UTP20: variants seen among roughly 807,000 people sequenced by gnomAD.
The protein encoded by UTP20 is small subunit processome component 20 homolog.
A neutral mutation model predicts 329.5 loss-of-function variants in UTP20; 164 were observed. That is an observed-to-expected ratio of 0.50 (90% CI 0.44 to 0.57). The LOEUF (loss-of-function observed/expected upper bound fraction) is 0.57, where lower values mean the gene tolerates loss of function less well. Ranked by LOEUF, UTP20 falls within the 20% of genes least tolerant of loss-of-function variation. The probability of loss-of-function intolerance (pLI) is 0.00; values close to 1 mark genes in which losing one functional copy is unlikely to be tolerated. For missense variants in UTP20, 3,055 were observed against 3,284.2 expected (o/e 0.93, Z 1.71); for synonymous variants, 1,151 against 1,159.3 (o/e 0.99, Z 0.14).
intron 21 of UTP20, among the ~76,000 whole-genome samples, chr12:101,313,004 G>A (rs1490384632): frequency 6.6e-6 from 1 of 152,132 alleles, no homozygotes; most frequent in Non-Finnish European, 1.5e-5. Flanking sequence ...GGGGCTTGAA[G>A]GTATTTTCCA....
intron 24 of UTP20, 133 bp from the exon 25 acceptor site, chr12:101,321,371 C>T (rs1868368469): frequency 7.8e-7 from 1 of 1,275,320 alleles, no homozygotes; most frequent in Non-Finnish European, 1.1e-6. Context: ...GAGGATTTTC[C>T]TTTATGGATA....
Position 101,313,026 on chromosome 12 carries a change from G to A in UTP20, c.2552+750G>A, listed in dbSNP as rs139899549. On this transcript the variant is annotated intron_variant, in intron 21 of 61. Transcript: ENST00000261637. The stretch of plus-strand genomic sequence containing the variant: ...GAAGGTATTTTCCAGTGACCCAACA[G>A]CAACACTGCTTGGGGCCTCTTGATG... Among the ~76,000 whole-genome samples, 4 of 152,276 alleles carry A rather than the reference G, an allele frequency of 2.6e-5. No individual in the cohort carries two copies. The East Asian group carries it at 7.7e-4, about 29-fold the overall frequency.
intron 56 of UTP20, among the ~76,000 whole-genome samples, chr12:101,378,363 G>A (rs1870540796): frequency 6.6e-6 from 1 of 152,152 alleles, no homozygotes; most frequent in Non-Finnish European, 1.5e-5. Context: ...GCTACTTGGA[G>A]CCACCAATTC....
At chr12:101,342,389 A>C in intron 32 of UTP20, 57 bp from the exon 33 acceptor site, 2 of 1,400,124 alleles carry the variant, frequency 1.4e-6, no homozygotes, top group Non-Finnish European at 9.7e-7. Flanking sequence ...ATTAAAGTAT[A>C]AGTTGACCAG....
intron 1 of UTP20, 73 bp downstream of exon 1, chr12:101,280,400 C>T: frequency 2.0e-6 from 3 of 1,531,946 alleles, no homozygotes; most frequent in East Asian, 2.5e-5. Flanking sequence ...CTGAGCGAGA[C>T]TCCAGGGGCC....
chr12:101,354,750 C>T (rs925947155), intron 40 of UTP20, 82 bp from the exon 41 acceptor site: 22 of 1,440,438 alleles, frequency 1.5e-5, no homozygotes, highest in African/African-American at 1.4e-4. Flanking sequence ...GGAAGTTGGA[C>T]GTTGGTGGGA....
intron 50 of UTP20, 46 bp downstream of exon 50, chr12:101,370,609 C>G: frequency 2.5e-6 from 4 of 1,580,960 alleles, no homozygotes; most frequent in Non-Finnish European, 3.4e-6. Context: ...ATGAGTTTCA[C>G]AGCAGATATT....
At chr12:101,376,066 CTG>C (rs1328843291) in intron 56 of UTP20, among the ~76,000 whole-genome samples, 1 of 152,038 alleles carries the variant, frequency 6.6e-6, no homozygotes, top group African/African-American at 2.4e-5. Context: ...CAAGTGAAAA[CTG>C]TATATATTTA....
Position 101,342,534 on chromosome 12 carries a change from T to G in UTP20, c.4190T>G (p.Leu1397Arg). ...AGCTTCCTCAAGCCTATAGCAAAACTTTTCTCAGTTATTAAGAACAAATTG... is the reference window on the plus strand; with the variant it reads ...AGCTTCCTCAAGCCTATAGCAAAACGTTTCTCAGTTATTAAGAACAAATTG... ...PTSFLKPIAK[L>R]FSVIKNKLSR... Residue 1397 changes from leucine (L) to arginine (R), a missense_variant, in exon 33 of 62, where the codon CTT becomes CGT. Leu to Arg is a moderately radical substitution (Grantham distance 102). Around this residue, in one of 3 missense-constraint regions of UTP20, gnomAD observed 2,445 missense variants for 2,575.5 expected, o/e 0.95. Coordinates refer to ENST00000261637, the MANE Select transcript of UTP20 (RefSeq NM_014503.3). 1.2e-6 allele frequency: 2 copies of G among 1,613,892 alleles called. No individual in the cohort carries two copies. The highest frequency in any genetic ancestry group is 1.7e-6 in the Non-Finnish European group (2 of 1,179,906).
chr12:101,357,231 A>C (rs1349206934), intron 43 of UTP20, 149 bp downstream of exon 43: 1 of 679,068 alleles, frequency 1.5e-6, no homozygotes, highest in African/African-American at 1.9e-5. Flanking sequence ...TCCAATTAGT[A>C]TTAAGGAAAT....
In UTP20 at chr12:101,329,438, C is replaced by G; in HGVS notation, c.3406C>G (p.Gln1136Glu). The change falls in exon 27 of 62, where the codon CAA (glutamine) becomes GAA (glutamate). Residue 1136 changes from glutamine to glutamate, a missense_variant. This residue lies in a region of UTP20 where 2,445 missense variants were observed against 2,575.5 expected (regional missense o/e 0.95). Transcript: ENST00000261637. ...AGCAACCGTATCACACATCCTTGAC[C>G]AACGAGAAAAGGTTAGATTCACTAT... ...MTATVSHILD[Q>E]REKIQLRFIN... 6.2e-7 allele frequency: 1 copy of G among 1,611,844 alleles called. No homozygotes were observed. The highest frequency in any genetic ancestry group is 8.5e-7 in the Non-Finnish European group (1 of 1,178,138).
intron 48 of UTP20, among the ~76,000 whole-genome samples, chr12:101,368,639 T>A (rs1870178440): frequency 6.6e-6 from 1 of 152,138 alleles, no homozygotes; most frequent in African/African-American, 2.4e-5. Flanking sequence ...ATCATCATCA[T>A]CACCTTTGTC....
At chr12:101,341,441 T>G (rs1158283249) in intron 32 of UTP20, among the ~76,000 whole-genome samples, 1 of 152,196 alleles carries the variant, frequency 6.6e-6, no homozygotes, top group Non-Finnish European at 1.5e-5. Flanking sequence ...ACCTCAGTAG[T>G]GATACTAAAC....
intron 44 of UTP20, among the ~76,000 whole-genome samples, chr12:101,362,386 A>G (rs1244395338): frequency 6.6e-6 from 1 of 152,222 alleles, no homozygotes; most frequent in South Asian, 2.1e-4. Context: ...CTTTATTTAT[A>G]ATACAGTCGG....
chr12:101,286,032 A>G lies in UTP20; in HGVS notation c.326+151A>G, dbSNP rs1871950516. On this transcript the variant is annotated intron_variant, in intron 4 of 61. Coordinates refer to ENST00000261637, the MANE Select transcript of UTP20 (RefSeq NM_014503.3). ...TTCTGTTAGGAATAAGTGCATTACC[A>G]TAAAGTGGAATCTTGGGGTATAATT... is the stretch of plus-strand genomic sequence containing the variant. 6.1e-6 allele frequency: 7 copies of G among 1,146,256 alleles called. No homozygotes were observed. In the Admixed American group the frequency reaches 7.8e-5, roughly 13 times the overall value. 71.0% of individuals were successfully genotyped at this position (1,146,256 alleles called of 1,614,324 possible). A position where few individuals can be genotyped will look rare whatever the true frequency, so the allele number is the denominator to read the frequency against.
intron 14 of UTP20, among the ~76,000 whole-genome samples, chr12:101,300,638 C>A (rs895947165): frequency 1.3e-5 from 2 of 152,142 alleles, no homozygotes; most frequent in Non-Finnish European, 2.9e-5. Context: ...TATATGTCTC[C>A]CCCACTAGTC....
intron 48 of UTP20, 45 bp downstream of exon 48, chr12:101,368,021 G>A: frequency 7.5e-7 from 1 of 1,335,368 alleles, no homozygotes; most frequent in East Asian, 2.3e-5. Context: ...TATTTCTTCA[G>A]AAGAACTATG....
intron 57 of UTP20, 39 bp downstream of exon 57, chr12:101,379,597 G>A: frequency 7.6e-6 from 12 of 1,572,668 alleles, no homozygotes; most frequent in Non-Finnish European, 9.5e-6. Flanking sequence ...CCTCGTGACT[G>A]TAAGATGTTC....
intron 60 of UTP20, among the ~76,000 whole-genome samples, chr12:101,385,097 CAAAAAAA>C (rs35335261): frequency 8.8e-6 from 1 of 114,124 alleles, no homozygotes; most frequent in South Asian, 2.7e-4. Flanking sequence ...ACTCCCCCGC[CAAAAAAA>C]AAAAAAAAAA....
Sources: allele counts gnomAD v4.1 joint callset (sites outside exome capture counted in the v4.1 genomes callset), GRCh38; gene constraint gnomAD v4.1.1; regional missense constraint gnomAD v4.1.1; transcripts MANE v1.5; gene names NCBI Gene and HGNC (gene_info 2026-07-23, HGNC 2026-07-21).